STARD13: variants seen among roughly 807,000 people sequenced by gnomAD.
STARD13 encodes the protein stAR-related lipid transfer protein 13.
STARD13 carries 62 observed loss-of-function variants against 106.4 expected under a neutral mutation model. The ratio of observed to expected loss-of-function variants is 0.58; its 90% CI spans 0.48 to 0.72. The LOEUF (loss-of-function observed/expected upper bound fraction) is 0.72, where lower values mean the gene tolerates loss of function less well. Ranked by LOEUF, STARD13 falls within the 30% of genes least tolerant of loss-of-function variation. STARD13 has a pLI of 0.00. For synonymous variants in STARD13, 565 were observed against 553.0 expected (o/e 1.02, Z -0.31); for missense variants, 1,387 against 1,424.0 (o/e 0.97, Z 0.42).
At chr13:33,198,949 G>GC (rs1886824976) in intron 1 of STARD13, among the ~76,000 whole-genome samples, 1 of 152,138 alleles carries the variant, frequency 6.6e-6, no homozygotes, top group African/African-American at 2.4e-5. Flanking sequence ...AAAAGTTCTA[G>GC]CCCCCATCTC....
chr13:33,426,534 T>A, the STARD13 span, among the ~76,000 whole-genome samples: 1 of 152,218 alleles, frequency 6.6e-6, no homozygotes, highest in Non-Finnish European at 1.5e-5. Flanking sequence ...TCTTACTTTT[T>A]TTAAATCCAA....
chr13:33,648,350 T>C, the STARD13 span, among the ~76,000 whole-genome samples: 2 of 152,336 alleles, frequency 1.3e-5, no homozygotes, highest in Non-Finnish European at 2.9e-5. Context: ...CAGCCCAAGC[T>C]CTTACCTACT....
chr13:33,448,473 A>G, the STARD13 span, among the ~76,000 whole-genome samples: 6 of 152,118 alleles, frequency 3.9e-5, no homozygotes, highest in Admixed American at 6.6e-5. Flanking sequence ...TCCATTGTGT[A>G]TATATACTGT....
chr13:33,558,333 A>G, the STARD13 span, among the ~76,000 whole-genome samples: 3 of 152,200 alleles, frequency 2.0e-5, no homozygotes, highest in African/African-American at 7.2e-5. Flanking sequence ...AAATAAGTCA[A>G]TATTTTAAAA....
the STARD13 span, among the ~76,000 whole-genome samples, chr13:33,626,435 T>C: frequency 3.0e-3 from 451 of 152,336 alleles, 2 homozygotes; most frequent in African/African-American, 0.01. Flanking sequence ...GAACCTCCAA[T>C]ATTTGAGAAA....
intron 1 of STARD13, among the ~76,000 whole-genome samples, chr13:33,258,240 G>T (rs976126933): frequency 6.6e-6 from 1 of 152,172 alleles, no homozygotes; most frequent in African/African-American, 2.4e-5. Context: ...TTTATCTGGC[G>T]TAGTTAAAGC....
the STARD13 span, among the ~76,000 whole-genome samples, chr13:33,413,428 GA>G: frequency 6.6e-6 from 1 of 151,990 alleles, no homozygotes; most frequent in Admixed American, 6.6e-5. Context: ...GAAGTTGATG[GA>G]ATTGAAAATA....
chr13:33,105,721 AG>A lies in STARD13; in HGVS notation c.3225-12del. The A allele has an allele frequency of 1.9e-6, 3 of 1,601,240 alleles. No individual in the cohort carries two copies. The highest frequency in any genetic ancestry group is 2.6e-6 in the Non-Finnish European group (3 of 1,168,208). ...TCTGGGGAGTGACCTCTGTGGGGAA[AG>A]AAATCAGAAAGGAAGTGGGAAAGTT... is the stretch of plus-strand genomic sequence containing the variant. On this transcript the variant is annotated splice_polypyrimidine_tract_variant and intron_variant, in intron 13 of 13. Transcript: ENST00000336934.
rs1889698212 is a variant in STARD13, at chr13:33,244,027, T to G, written c.169+41443A>C. 2.0e-5 allele frequency among the ~76,000 whole-genome samples: 3 copies of G among 151,940 alleles called. No homozygotes were observed. In the South Asian group the frequency reaches 6.2e-4, roughly 32 times the overall value. On this transcript the variant is annotated intron_variant, in intron 1 of 13. Coordinates refer to ENST00000336934, the MANE Select transcript of STARD13 (RefSeq NM_178006.4). The stretch of plus-strand genomic sequence containing the variant: ...TCAGATTCCGGCTCTTTTTTTTTTT[T>G]TTTTAATATTTGCATTATCCAAAAT...
At chr13:33,284,781 G>A (rs928913485) in intron 1 of STARD13, among the ~76,000 whole-genome samples, 3 of 151,452 alleles carry the variant, frequency 2.0e-5, no homozygotes, top group Non-Finnish European at 4.4e-5. Context: ...CTTCCAGGCT[G>A]GTATTTTGAG....
At chr13:33,423,990 T>C in the STARD13 span, among the ~76,000 whole-genome samples, 1 of 152,112 alleles carries the variant, frequency 6.6e-6, no homozygotes, top group Admixed American at 6.5e-5. Flanking sequence ...AAATACCTAA[T>C]GTAAATGATG....
At chr13:33,601,247 T>G in the STARD13 span, among the ~76,000 whole-genome samples, 1 of 151,922 alleles carries the variant, frequency 6.6e-6, no homozygotes, top group Non-Finnish European at 1.5e-5. Flanking sequence ...CCAGCAGACC[T>G]TGATTTCTGT....
the STARD13 span, among the ~76,000 whole-genome samples, chr13:33,650,164 A>ATGTT: frequency 3.1e-4 from 15 of 48,376 alleles, 1 homozygote; most frequent in African/African-American, 1.1e-3. Flanking sequence ...CGTGACTCCA[A>ATGTT]TTTTTTTTTT....
At chr13:33,265,940 A>T (rs965995795) in intron 1 of STARD13, among the ~76,000 whole-genome samples, 4 of 152,174 alleles carry the variant, frequency 2.6e-5, no homozygotes, top group African/African-American at 9.6e-5. Flanking sequence ...TAAACATAAA[A>T]ATTTTATAAG....
chr13:33,112,414 C>A (rs1158101496), intron 9 of STARD13, among the ~76,000 whole-genome samples: 1 of 152,162 alleles, frequency 6.6e-6, no homozygotes, highest in Admixed American at 6.5e-5. Context: ...GCATGAGACA[C>A]ATTTTATCTA....
the STARD13 span, among the ~76,000 whole-genome samples, chr13:33,363,629 ACT>A: frequency 1.3e-5 from 2 of 151,980 alleles, no homozygotes; most frequent in Non-Finnish European, 2.9e-5. Flanking sequence ...AATGCACCAC[ACT>A]CTCTGCCTCA....
At chr13:33,368,040 T>C in the STARD13 span, among the ~76,000 whole-genome samples, 1 of 152,056 alleles carries the variant, frequency 6.6e-6, no homozygotes, top group Non-Finnish European at 1.5e-5. Flanking sequence ...CCTTCCTCTT[T>C]CTCTTTCTTA....
chr13:33,105,785 G>A, intron 13 of STARD13, 75 bp from the exon 14 acceptor site: 2 of 1,276,526 alleles, frequency 1.6e-6, no homozygotes, highest in Non-Finnish European at 2.3e-6. Flanking sequence ...GGTGGACAGG[G>A]CTGCCCTTGG....
the STARD13 span, among the ~76,000 whole-genome samples, chr13:33,654,048 A>G: frequency 1.3e-5 from 2 of 152,234 alleles, no homozygotes; most frequent in East Asian, 3.8e-4. Flanking sequence ...GGTGAACATG[A>G]GGAGAAATTG....
Sources: allele counts gnomAD v4.1 joint callset (sites outside exome capture counted in the v4.1 genomes callset), GRCh38; gene constraint gnomAD v4.1.1; transcripts MANE v1.5; gene names NCBI Gene and HGNC (gene_info 2026-07-23, HGNC 2026-07-21).